SORCS2: variants seen among roughly 807,000 people sequenced by gnomAD.
SORCS2 encodes the protein sortilin related VPS10 domain containing receptor 2.
In SORCS2, 100 loss-of-function variants were observed where a neutral mutation model predicts 141.6. That is an observed-to-expected ratio of 0.71 (90% CI 0.60 to 0.83). SORCS2 has a LOEUF of 0.83. Among genes scored for constraint, SORCS2 ranks in the 40% least tolerant of loss-of-function variants. The pLI, the probability that SORCS2 is intolerant of heterozygous loss-of-function variation, is 0.00. For synonymous variants in SORCS2, 789 were observed against 676.9 expected (o/e 1.17, Z -2.57); for missense variants, 1,646 against 1,560.2 (o/e 1.05, Z -0.93).
At chr4:7,698,042 G>T (rs1180599355) in intron 12 of SORCS2, among the ~76,000 whole-genome samples, 2 of 151,956 alleles carry the variant, frequency 1.3e-5, no homozygotes, top group Non-Finnish European at 2.9e-5. Context: ...TCGGTACCAC[G>T]TGTCCTGCGT....
Position 7,504,817 on chromosome 4 carries a change from A to C in SORCS2, c.549-26713A>C, listed in dbSNP as rs115280271. ...AACCATGGTATGTCTGCCACAATTTAGTGCCTTCCTGCTCTGGTCTAGCTG... is the reference window on the plus strand; with the variant it reads ...AACCATGGTATGTCTGCCACAATTTCGTGCCTTCCTGCTCTGGTCTAGCTG... On this transcript the variant is annotated intron_variant, in intron 2 of 26. Coordinates refer to ENST00000507866, the MANE Select transcript of SORCS2 (RefSeq NM_020777.3). Among the ~76,000 whole-genome samples the C allele has an allele frequency of 2.8e-3, 419 of 152,318 alleles. 6 individuals carry two copies. Among genetic ancestry groups the C allele is most frequent in the African/African-American group, 8.9e-3 (372 of 41,578 alleles).
At chr4:7,719,205 G>T (rs962790272) in intron 18 of SORCS2, among the ~76,000 whole-genome samples, 2 of 152,216 alleles carry the variant, frequency 1.3e-5, no homozygotes, top group Admixed American at 6.5e-5. Flanking sequence ...TGCCAAGGTG[G>T]GGTGGGATGT....
intron 1 of SORCS2, chr4:7,382,106 T>A: frequency 2.1e-6 from 1 of 472,390 alleles, no homozygotes; most frequent in Non-Finnish European, 2.8e-6. Flanking sequence ...CCTTGAAGGG[T>A]GGGTGGTGCT....
At chr4:7,509,848 T>C (rs1367762685) in intron 2 of SORCS2, among the ~76,000 whole-genome samples, 1 of 152,126 alleles carries the variant, frequency 6.6e-6, no homozygotes, top group South Asian at 2.1e-4. Flanking sequence ...GGCCCTGACA[T>C]AGGGGGTTGG....
chr4:7,205,310 C>G (rs546224577), intron 1 of SORCS2, among the ~76,000 whole-genome samples: 2 of 152,300 alleles, frequency 1.3e-5, no homozygotes, highest in African/African-American at 4.8e-5. Flanking sequence ...TAGACTCCTG[C>G]CCATCCCAAT....
chr4:7,210,462 G>A (rs1727997638), intron 1 of SORCS2, among the ~76,000 whole-genome samples: 1 of 152,272 alleles, frequency 6.6e-6, no homozygotes, highest in South Asian at 2.1e-4. Flanking sequence ...TAATTTTTTT[G>A]TAGAGATGAG....
chr4:7,714,380 G>A lies in SORCS2; in HGVS notation c.2123+7G>A, dbSNP rs531844519. The A allele has an allele frequency of 2.0e-4, 314 of 1,550,088 alleles. 1 individual carries two copies. In the East Asian group the frequency reaches 4.0e-3, roughly 20 times the overall value. ...GGGACTCGGACTTCCTGTGGTGAGC[G>A]ACGGGCTCCTGGCCACGAGGCCTCA... On this transcript the variant is annotated splice_region_variant and intron_variant, in intron 16 of 26. Coordinates refer to ENST00000507866, the MANE Select transcript of SORCS2 (RefSeq NM_020777.3).
At chr4:7,690,815 A>T (rs115631397) in intron 11 of SORCS2, among the ~76,000 whole-genome samples, 4,344 of 152,328 alleles carry the variant, frequency 0.029, 100 homozygotes, top group Middle Eastern at 0.058. Flanking sequence ...AAACAAGTAT[A>T]CAACTAGCAC....
intron 10 of SORCS2, among the ~76,000 whole-genome samples, chr4:7,687,874 C>T (rs911098974): frequency 4.6e-5 from 7 of 152,282 alleles, no homozygotes; most frequent in Middle Eastern, 6.8e-3. Context: ...GCTGTCACCT[C>T]GCTATCCCCC....
chr4:7,371,565 G>A (rs1270873433), intron 1 of SORCS2, among the ~76,000 whole-genome samples: 1 of 152,074 alleles, frequency 6.6e-6, no homozygotes, highest in Admixed American at 6.6e-5. Flanking sequence ...TCTTTTTCCC[G>A]GAGCCCAAGG....
chr4:7,704,045 TGTG>T (rs1316295139), intron 13 of SORCS2, 129 bp from the exon 14 acceptor site: 8 of 718,808 alleles, frequency 1.1e-5, no homozygotes, highest in African/African-American at 1.0e-4. Context: ...CATAAGCAGA[TGTG>T]GTATCACCTG....
intron 1 of SORCS2, among the ~76,000 whole-genome samples, chr4:7,216,074 A>G (rs1233941680): frequency 6.6e-6 from 1 of 151,938 alleles, no homozygotes; most frequent in Non-Finnish European, 1.5e-5. Context: ...GAGCTGTAAC[A>G]CTCACCACGA....
intron 1 of SORCS2, among the ~76,000 whole-genome samples, chr4:7,392,618 C>T (rs1022924134): frequency 4.6e-5 from 7 of 151,812 alleles, no homozygotes; most frequent in Non-Finnish European, 1.0e-4. Context: ...CTGAGGTCTC[C>T]GCCTGGGGTC....
chr4:7,506,770 G>A (rs901796729), intron 2 of SORCS2, among the ~76,000 whole-genome samples: 2 of 152,216 alleles, frequency 1.3e-5, no homozygotes, highest in African/African-American at 4.8e-5. Context: ...ATGTAGTCAG[G>A]GAGGGCTTCC....
intron 1 of SORCS2, among the ~76,000 whole-genome samples, chr4:7,371,242 C>G (rs1292351565): frequency 6.6e-6 from 1 of 152,184 alleles, no homozygotes; most frequent in Non-Finnish European, 1.5e-5. Flanking sequence ...CGCTGCAGGT[C>G]TGAGAGCATC....
intron 3 of SORCS2, among the ~76,000 whole-genome samples, chr4:7,615,219 G>C (rs1174153150): frequency 6.6e-6 from 1 of 152,160 alleles, no homozygotes; most frequent in Non-Finnish European, 1.5e-5. Context: ...AGATTTACCT[G>C]GCACTGCTGT....
chr4:7,698,491 C>T (rs1006648846), intron 12 of SORCS2, among the ~76,000 whole-genome samples: 1 of 152,208 alleles, frequency 6.6e-6, no homozygotes, highest in African/African-American at 2.4e-5. Flanking sequence ...ACTAGTGAAA[C>T]ATGTTTGAAG....
At chr4:7,636,641 G>T (rs1229364534) in intron 3 of SORCS2, among the ~76,000 whole-genome samples, 1 of 152,036 alleles carries the variant, frequency 6.6e-6, no homozygotes, top group Non-Finnish European at 1.5e-5. Context: ...AACCCAGCCG[G>T]GATAAGGGTG....
intron 3 of SORCS2, among the ~76,000 whole-genome samples, chr4:7,585,923 C>T (rs930551483): frequency 2.6e-5 from 4 of 152,232 alleles, no homozygotes; most frequent in Non-Finnish European, 1.5e-5. Context: ...AATACTTAGC[C>T]TTATAGAGGG....
Sources: gnomAD v4.1 joint callset for allele counts (sites outside exome capture counted in the v4.1 genomes callset) on GRCh38, gnomAD v4.1.1 for gene constraint, MANE v1.5 for transcripts, NCBI Gene and HGNC (gene_info 2026-07-23, HGNC 2026-07-21) for gene names.